Variants in ABL1 observed in about 807,000 individuals in gnomAD.
The protein encoded by ABL1 is tyrosine-protein kinase ABL1.
ABL1 carries 11 observed loss-of-function variants against 94.7 expected under a neutral mutation model. The observed-to-expected ratio is 0.12, with a 90% CI of 0.07 to 0.19. The LOEUF is 0.19. Ranked by LOEUF, ABL1 falls within the 10% of genes least tolerant of loss-of-function variation. ABL1 has a pLI of 1.00. For missense variants in ABL1, 1,082 were observed against 1,489.4 expected, an observed-to-expected ratio of 0.73 and a Z score of 4.50; for synonymous variants, 656 against 622.4, an observed-to-expected ratio of 1.05 and a Z score of -0.80.
Position 130,863,136 on chromosome 9 carries a change from C to A in ABL1, c.822+101C>A. 7.3e-7 allele frequency: 1 copy of A among 1,363,302 alleles called. No homozygotes were observed. The highest frequency in any genetic ancestry group is 9.8e-7 in the Non-Finnish European group (1 of 1,019,524). 84.5% of individuals were successfully genotyped at this position (1,363,302 alleles called of 1,614,324 possible). A position where few individuals can be genotyped will look rare whatever the true frequency, so the allele number is the denominator to read the frequency against. On this transcript the variant is annotated intron_variant, in intron 4 of 10. Transcript: ENST00000318560. This position sits in a 1 kb window ranked among gnomAD's most constrained non-coding sequence, Gnocchi z 4.3. ...GGAAGTCTACCTCCTGCCTGCTGTC[C>A]GAGGGCTTCATTGGCGCCACGGAAT... is the stretch of plus-strand genomic sequence containing the variant.
rs372136615 is a variant in ABL1, at chr9:130,885,404, G to A, written c.3114G>A (p.Ala1038=). The A allele has an allele frequency of 3.0e-5, 48 of 1,613,476 alleles. No individual in the cohort carries two copies. The highest frequency in any genetic ancestry group is 1.9e-4 in the South Asian group (17 of 91,086). Reference sequence around the variant, plus strand: ...GCGTGGTCCTGGACAGCACCGAGGCGCTGTGCCTCGCCATCTCTAGGAACT... The same window carrying A: ...GCGTGGTCCTGGACAGCACCGAGGCACTGTGCCTCGCCATCTCTAGGAACT... ...TKGVVLDSTE[A]LCLAISRNSE... The change falls in exon 11 of 11, where the codon GCG becomes GCA. Residue 1038 remains alanine (A), a synonymous_variant. Transcript: ENST00000318560.
intron 1 of ABL1, among the ~76,000 whole-genome samples, chr9:130,819,641 C>T (rs944486880): frequency 6.9e-6 from 1 of 145,562 alleles, no homozygotes; most frequent in African/African-American, 2.6e-5. Flanking sequence ...CAGGTTCAAG[C>T]AATTCTATTG....
intron 4 of ABL1, among the ~76,000 whole-genome samples, chr9:130,866,285 C>A (rs564744195): frequency 6.6e-6 from 1 of 152,084 alleles, no homozygotes; most frequent in Non-Finnish European, 1.5e-5. Flanking sequence ...TAAAATTGAA[C>A]CCAGATTCTT....
At chr9:130,756,234 A>G (rs1318745830) in intron 1 of ABL1, among the ~76,000 whole-genome samples, 2 of 152,064 alleles carry the variant, frequency 1.3e-5, no homozygotes, top group South Asian at 2.1e-4. Context: ...TCTCCTTGAC[A>G]TTTGACAGAC....
At chr9:130,883,443 G>T (rs2133033244) in intron 10 of ABL1, among the ~76,000 whole-genome samples, 1 of 151,612 alleles carries the variant, frequency 6.6e-6, no homozygotes, top group East Asian at 1.9e-4. Flanking sequence ...GTTGCAGTGA[G>T]CTGAGATCGT....
rs35930489 is a variant in ABL1, at chr9:130,808,083, CA to C, written c.137-45968del. Among the ~76,000 whole-genome samples, 1,088 of 123,386 alleles carry C rather than the reference CA, an allele frequency of 8.8e-3. 5 individuals carry two copies. The highest frequency in any genetic ancestry group is 0.045 in the East Asian group (195 of 4,382). 80.9% of individuals were successfully genotyped at this position (123,386 alleles called of 152,430 possible). A position where few individuals can be genotyped will look rare whatever the true frequency, so the allele number is the denominator to read the frequency against. ...AGTTCTCTTTATCAAATTAACTGAT[CA>C]AAAAAAAAAAAACAGATTAACTGGT... is the stretch of plus-strand genomic sequence containing the variant. On this transcript the variant is annotated intron_variant, in intron 1 of 10. Coordinates refer to the ABL1 transcript ENST00000372348.
chr9:130,770,413 A>C (rs1025222244), intron 1 of ABL1, among the ~76,000 whole-genome samples: 1 of 152,178 alleles, frequency 6.6e-6, no homozygotes, highest in Non-Finnish European at 1.5e-5. Flanking sequence ...AGGCTGAGGC[A>C]GGAGGATCAC....
intron 1 of ABL1, among the ~76,000 whole-genome samples, chr9:130,853,282 TCTC>T (rs1307761511): frequency 1.4e-5 from 2 of 147,680 alleles, no homozygotes. Context: ...TTCAAGCAAT[TCTC>T]CTGCCTCAGC....
At chr9:130,777,540 G>A (rs58316053) in intron 1 of ABL1, among the ~76,000 whole-genome samples, 4 of 137,060 alleles carry the variant, frequency 2.9e-5, no homozygotes, top group African/African-American at 1.1e-4. Flanking sequence ...GTGTTGGGAC[G>A]CTGACACACT....
chr9:130,716,535 A>G lies in ABL1; in HGVS notation c.136+2080A>G, dbSNP rs77298505. On this transcript the variant is annotated intron_variant, in intron 1 of 10. Coordinates refer to the ABL1 transcript ENST00000372348. ...CAAGCACTTCTGTACAGTAAAGTAT[A>G]ATGATTATCTCCAGGAAAAGCACTT... is the stretch of plus-strand genomic sequence containing the variant. Among the ~76,000 whole-genome samples, 1,281 of 152,278 alleles carry G rather than the reference A, an allele frequency of 8.4e-3. 3 individuals are homozygous for G. The highest frequency in any genetic ancestry group is 0.048 in the Middle Eastern group (14 of 294).
At chr9:130,790,398 C>A (rs1309356989) in intron 1 of ABL1, among the ~76,000 whole-genome samples, 4 of 152,240 alleles carry the variant, frequency 2.6e-5, no homozygotes, top group African/African-American at 9.6e-5. Flanking sequence ...TCCTCACAAG[C>A]ATGCTTGTAG....
At chr9:130,722,392 C>A (rs1449327045) in intron 1 of ABL1, among the ~76,000 whole-genome samples, 5 of 150,984 alleles carry the variant, frequency 3.3e-5, no homozygotes, top group Non-Finnish European at 7.4e-5. Context: ...GACTCCATCT[C>A]AAAAAAAAAT....
At chr9:130,841,084 A>G (rs1830662751) in intron 1 of ABL1, among the ~76,000 whole-genome samples, 2 of 152,142 alleles carry the variant, frequency 1.3e-5, no homozygotes, top group South Asian at 4.1e-4. Context: ...GTCTTGGGCC[A>G]CACGTAAAAC....
At chr9:130,879,528 T>G (rs1247615943) in intron 8 of ABL1, among the ~76,000 whole-genome samples, 1 of 152,250 alleles carries the variant, frequency 6.6e-6, no homozygotes, top group Non-Finnish European at 1.5e-5. Flanking sequence ...AAAGTTGAAC[T>G]GTTGGTTCCA....
chr9:130,839,728 G>T (rs1830641006), intron 1 of ABL1, among the ~76,000 whole-genome samples: 1 of 152,138 alleles, frequency 6.6e-6, no homozygotes, highest in Non-Finnish European at 1.5e-5. Flanking sequence ...TTGTTTTGAG[G>T]GTCTATAAGA....
chr9:130,749,989 C>T (rs934614103), intron 1 of ABL1, among the ~76,000 whole-genome samples: 2 of 151,228 alleles, frequency 1.3e-5, no homozygotes, highest in Admixed American at 1.3e-4. Context: ...GCCTGGGCAA[C>T]ATGGCAAGAC....
At chr9:130,813,561 C>CAAA (rs57194587) in intron 1 of ABL1, among the ~76,000 whole-genome samples, 112 of 60,560 alleles carry the variant, frequency 1.8e-3, no homozygotes, top group African/African-American at 2.6e-3. Flanking sequence ...ACTCCATCTC[C>CAAA]AAAAAAAAAA....
intron 1 of ABL1, among the ~76,000 whole-genome samples, chr9:130,841,310 T>C (rs758152441): frequency 2.6e-5 from 4 of 151,846 alleles, no homozygotes; most frequent in Non-Finnish European, 4.4e-5. Context: ...GGTTTCACCA[T>C]GTTAGCCAGG....
chr9:130,795,243 T>C (rs1035117769), intron 1 of ABL1, among the ~76,000 whole-genome samples: 1 of 152,208 alleles, frequency 6.6e-6, no homozygotes, highest in Admixed American at 6.5e-5. Context: ...TGCCCTGATA[T>C]TATGAAGTGG....
Sources: allele counts gnomAD v4.1 joint callset (sites outside exome capture counted in the v4.1 genomes callset), GRCh38; gene constraint gnomAD v4.1.1; non-coding constraint Gnocchi (gnomAD v3.1); transcripts MANE v1.5; gene names NCBI Gene and HGNC (gene_info 2026-07-23, HGNC 2026-07-21).